The following MYH15 variants were observed in gnomAD, a reference collection of about 807,000 sequenced individuals.
The protein encoded by MYH15 is myosin heavy chain 15.
In MYH15, 227 loss-of-function variants were observed where a neutral mutation model predicts 240.5. The ratio of observed to expected loss-of-function variants is 0.94; its 90% CI spans 0.85 to 1.05. The LOEUF (loss-of-function observed/expected upper bound fraction) is 1.05, where lower values mean the gene tolerates loss of function less well. MYH15 is among the 50% of genes least tolerant of loss of function. The pLI, the probability that MYH15 is intolerant of heterozygous loss-of-function variation, is 0.00. For synonymous variants in MYH15, 785 were observed against 796.7 expected (o/e 0.99, Z 0.25); for missense variants, 2,217 against 2,247.5 (o/e 0.99, Z 0.27).
At chr3:108,507,282 T>A (rs1190930642) in intron 1 of MYH15, among the ~76,000 whole-genome samples, 1 of 115,226 alleles carries the variant, frequency 8.7e-6, no homozygotes. Flanking sequence ...TATATACACA[T>A]ATGAAAATGA....
intron 1 of MYH15, among the ~76,000 whole-genome samples, chr3:108,524,526 T>C (rs2083650936): frequency 6.6e-6 from 1 of 152,100 alleles, no homozygotes; most frequent in Non-Finnish European, 1.5e-5. Flanking sequence ...TTATGGTAAC[T>C]TTTGTCATAT....
intron 30 of MYH15, 22 bp downstream of exon 30, chr3:108,414,210 A>G: frequency 6.2e-7 from 1 of 1,607,044 alleles, no homozygotes; most frequent in Non-Finnish European, 8.5e-7. Context: ...CTCCAGGTTA[A>G]GGATAGCCTT....
At chr3:108,497,536 A>T (rs1484401219) in intron 6 of MYH15, among the ~76,000 whole-genome samples, 2 of 152,122 alleles carry the variant, frequency 1.3e-5, no homozygotes, top group Admixed American at 6.5e-5. Context: ...AAAATGAACA[A>T]GGATTTTTTT....
intron 33 of MYH15, among the ~76,000 whole-genome samples, chr3:108,403,655 T>C (rs77361723): frequency 1.3e-5 from 2 of 152,242 alleles, no homozygotes; most frequent in South Asian, 2.1e-4. Flanking sequence ...TTTTGTAAGA[T>C]AAGCTCATCT....
chr3:108,464,448 C>T (rs1482770727), intron 15 of MYH15, among the ~76,000 whole-genome samples, 190 bp downstream of exon 15: 1 of 152,172 alleles, frequency 6.6e-6, no homozygotes, highest in Admixed American at 6.6e-5. Context: ...GACCTCTGTG[C>T]ACATGGAATG....
chr3:108,441,110 CGA>C lies in MYH15; in HGVS notation c.2804_2805del (p.Leu935ArgfsTer3), dbSNP rs1560368443. 1.2e-6 allele frequency: 2 copies of C among 1,614,024 alleles called. No individual in the cohort carries two copies. Among genetic ancestry groups the C allele is most frequent in the East Asian group, 2.2e-5 (1 of 44,890 alleles). On this transcript the variant is annotated frameshift_variant, in exon 23 of 41. Coordinates refer to ENST00000693548, the MANE Select transcript of MYH15 (RefSeq NM_014981.3). LOFTEE classifies it high-confidence loss of function. ...TTCTTCAACTCAAAACATTCATCTT[CGA>C]GTTTCCGCCCCCTGGCAGTCAGCTC... Reference protein sequence around the residue: ...NSELTARGRKLEDECFELKKE... With the variant: ...NSELTARGRKXEDECFELKKE...
chr3:108,496,007 T>A, intron 6 of MYH15, 135 bp from the exon 7 acceptor site: 2 of 566,764 alleles, frequency 3.5e-6, no homozygotes, highest in South Asian at 5.6e-5. Context: ...CCAAATTTGG[T>A]TATATTATCT....
the MYH15 span, among the ~76,000 whole-genome samples, chr3:108,534,738 G>C: frequency 1.3e-5 from 2 of 151,190 alleles, no homozygotes; most frequent in Non-Finnish European, 2.9e-5. Flanking sequence ...TAGATTAGCT[G>C]GGCGTGGTGG....
intron 16 of MYH15, among the ~76,000 whole-genome samples, chr3:108,462,878 A>G (rs1359311061): frequency 6.6e-6 from 1 of 152,136 alleles, no homozygotes; most frequent in Non-Finnish European, 1.5e-5. Context: ...AGCTAGGTGA[A>G]GTAGAAGACA....
intron 38 of MYH15, among the ~76,000 whole-genome samples, chr3:108,387,502 G>A (rs2082392502): frequency 6.6e-6 from 1 of 152,134 alleles, no homozygotes; most frequent in African/African-American, 2.4e-5. Flanking sequence ...GATAGAACAA[G>A]AATGCATTCC....
chr3:108,524,309 T>C (rs915969132), intron 1 of MYH15, among the ~76,000 whole-genome samples: 1 of 152,034 alleles, frequency 6.6e-6, no homozygotes, highest in Admixed American at 6.6e-5. Context: ...AATTTGAACA[T>C]CTTTTCGAAT....
Position 108,383,739 on chromosome 3 carries a change from T to TAATA in MYH15, c.5632-11_5632-10insTATT. 7.4e-7 allele frequency: 1 copy of TAATA among 1,350,850 alleles called. No individual in the cohort carries two copies. The highest frequency in any genetic ancestry group is 9.7e-7 in the Non-Finnish European group (1 of 1,029,430). 83.7% of individuals were successfully genotyped at this position (1,350,850 alleles called of 1,614,324 possible). A position where few individuals can be genotyped will look rare whatever the true frequency, so the allele number is the denominator to read the frequency against. Reference sequence around the variant, plus strand: ...GATTGGCTTGTGTTTCCTATAAAAATAAAAAAAAAAAAAAAGAAATCTCCA... The same window carrying TAATA: ...GATTGGCTTGTGTTTCCTATAAAAATAATAAAAAAAAAAAAAAAAGAAATCTCCA... On this transcript the variant is annotated splice_polypyrimidine_tract_variant and intron_variant, in intron 39 of 40. Transcript: ENST00000693548.
intron 37 of MYH15, 68 bp from the exon 38 acceptor site, chr3:108,389,142 A>G: frequency 2.2e-6 from 3 of 1,388,638 alleles, no homozygotes; most frequent in Non-Finnish European, 3.1e-6. Flanking sequence ...GCTGATTGGC[A>G]CAATCATTTG....
intron 21 of MYH15, 73 bp downstream of exon 21, chr3:108,453,933 C>T: frequency 1.4e-6 from 2 of 1,460,754 alleles, no homozygotes; most frequent in East Asian, 4.6e-5. Context: ...TACTATAAGG[C>T]AATGAGATTA....
intron 40 of MYH15, among the ~76,000 whole-genome samples, chr3:108,381,956 G>A (rs2082346991): frequency 6.6e-6 from 1 of 152,144 alleles, no homozygotes; most frequent in African/African-American, 2.4e-5. Flanking sequence ...CTGTGAAGGG[G>A]AAACAATTAG....
upstream of MYH15, among the ~76,000 whole-genome samples, chr3:108,512,987 A>C (rs1295624097): frequency 6.6e-6 from 1 of 152,148 alleles, no homozygotes; most frequent in Non-Finnish European, 1.5e-5. Flanking sequence ...TCCAGCTTCC[A>C]TTAACCCCCT....
At chr3:108,431,304 C>T (rs1267122213) in intron 25 of MYH15, among the ~76,000 whole-genome samples, 2 of 152,178 alleles carry the variant, frequency 1.3e-5, no homozygotes, top group Admixed American at 6.5e-5. Flanking sequence ...TGTGTCCACC[C>T]GAATCTCATC....
intron 12 of MYH15, among the ~76,000 whole-genome samples, chr3:108,475,115 A>C (rs1384673161): frequency 6.6e-6 from 1 of 152,198 alleles, no homozygotes; most frequent in East Asian, 1.9e-4. Context: ...CAAGGGAAAC[A>C]CATCTATTCT....
the MYH15 span, among the ~76,000 whole-genome samples, chr3:108,547,144 G>C: frequency 6.6e-6 from 1 of 151,906 alleles, no homozygotes; most frequent in Non-Finnish European, 1.5e-5. Flanking sequence ...TGCAGCCCGA[G>C]GGACATGTCA....
Sources: gnomAD v4.1 joint callset for allele counts (sites outside exome capture counted in the v4.1 genomes callset) on GRCh38, gnomAD v4.1.1 for gene constraint, MANE v1.5 for transcripts, NCBI Gene and HGNC (gene_info 2026-07-23, HGNC 2026-07-21) for gene names.